The following ST7 variants were observed in gnomAD, a reference collection of about 807,000 sequenced individuals.
ST7 encodes suppressor of tumorigenicity 7 protein.
Under a neutral mutation model 78.7 loss-of-function variants are expected in ST7, and 28 were observed. That is an observed-to-expected ratio of 0.36 (90% CI 0.26 to 0.49). The LOEUF is 0.49. Among genes scored for constraint, ST7 ranks in the 20% least tolerant of loss-of-function variants. The pLI is 0.99. For synonymous variants in ST7, 247 were observed against 249.6 expected (o/e 0.99, Z 0.10); for missense variants, 418 against 696.0 (o/e 0.60, Z 4.49).
intron 1 of ST7, among the ~76,000 whole-genome samples, chr7:117,033,498 A>G (rs941024785): frequency 6.6e-6 from 1 of 150,704 alleles, no homozygotes; most frequent in African/African-American, 2.4e-5. Flanking sequence ...ATCTTGGCTC[A>G]CTGCAACCTC....
chr7:117,056,735 T>G (rs183562545), intron 1 of ST7, among the ~76,000 whole-genome samples: 1 of 152,192 alleles, frequency 6.6e-6, no homozygotes. Flanking sequence ...ACAAGGATCT[T>G]GAAGAAATAT....
chr7:117,197,432 G>A (rs1227850843), intron 12 of ST7, among the ~76,000 whole-genome samples: 1 of 152,170 alleles, frequency 6.6e-6, no homozygotes, highest in Admixed American at 6.5e-5. Context: ...TATTTCCTTA[G>A]GGTAGATTTA....
At chr7:117,071,528 C>T (rs925942310) in intron 1 of ST7, among the ~76,000 whole-genome samples, 3 of 152,124 alleles carry the variant, frequency 2.0e-5, no homozygotes, top group Non-Finnish European at 4.4e-5. Flanking sequence ...TCAAAGACAC[C>T]ATATGAAAAT....
chr7:117,026,218 A>G (rs1796176521), intron 1 of ST7, among the ~76,000 whole-genome samples: 1 of 152,246 alleles, frequency 6.6e-6, no homozygotes, highest in Non-Finnish European at 1.5e-5. Context: ...TATTTTTTAA[A>G]CATTAATAAT....
At chr7:117,091,673 G>C (rs895732949) in intron 1 of ST7, among the ~76,000 whole-genome samples, 1 of 152,168 alleles carries the variant, frequency 6.6e-6, no homozygotes, top group Non-Finnish European at 1.5e-5. Context: ...AGATGTCAAT[G>C]TTGATTTTTA....
chr7:117,198,299 G>T (rs754460334), intron 12 of ST7: 3 of 455,784 alleles, frequency 6.6e-6, no homozygotes, highest in Admixed American at 2.4e-5. Context: ...TTTACCTCCC[G>T]TTCTATTTCT....
chr7:116,976,336 A>G (rs1189522465), intron 1 of ST7, among the ~76,000 whole-genome samples: 3 of 152,156 alleles, frequency 2.0e-5, no homozygotes, highest in African/African-American at 7.2e-5. Flanking sequence ...TTCATATAGT[A>G]AGTATTTATT....
At position 117,227,600 on chromosome 7, in the gene ST7, G is replaced by GT. The variant is rs11431091; in HGVS notation, c.1639-2161dup. 9.4e-3 allele frequency among the ~76,000 whole-genome samples: 1,436 copies of GT among 152,260 alleles called. 27 individuals carry two copies. The highest frequency in any genetic ancestry group is 0.031 in the African/African-American group (1,307 of 41,528). ...TTATGTATGTACACATATTATGTGTGTATTTCCTATCATGTTGGGTGAATG... is the reference window on the plus strand; with the variant it reads ...TTATGTATGTACACATATTATGTGTGTTATTTCCTATCATGTTGGGTGAATG... On this transcript the variant is annotated intron_variant, in intron 15 of 15. Coordinates refer to ENST00000323984, the MANE Select transcript of ST7 (RefSeq NM_001369598.1).
intron 13 of ST7, among the ~76,000 whole-genome samples, chr7:117,215,066 T>C (rs1469492390): frequency 6.6e-6 from 1 of 151,596 alleles, no homozygotes; most frequent in Non-Finnish European, 1.5e-5. Context: ...AGTATTAGAG[T>C]GGTGAGGGTC....
intron 1 of ST7, among the ~76,000 whole-genome samples, chr7:116,982,066 GA>G (rs1219576367): frequency 6.6e-6 from 1 of 152,162 alleles, no homozygotes; most frequent in Non-Finnish European, 1.5e-5. Context: ...TAGGTGATAG[GA>G]ACCTTTCAGT....
At position 117,190,477 on chromosome 7, in the gene ST7, G is replaced by A. The variant is rs1809672836; in HGVS notation, c.1152-357G>A. 1.3e-5 allele frequency among the ~76,000 whole-genome samples: 2 copies of A among 152,150 alleles called. No homozygotes were observed. The highest frequency in any genetic ancestry group is 2.9e-5 in the Non-Finnish European group (2 of 68,028). On this transcript the variant is annotated intron_variant, in intron 11 of 15. Coordinates refer to ENST00000323984, the MANE Select transcript of ST7 (RefSeq NM_001369598.1). The surrounding 1 kb of genome is among the most constrained non-coding windows in gnomAD (Gnocchi z 5.2). ...TTCCCAGTTCTGTTTTTAACCAAGT[G>A]CGCTCTTCTGTAACCTAGTTTTCTC...
In ST7 at chr7:116,956,176, C is replaced by T. The variant is rs546743846; in HGVS notation, c.151+2485C>T. ...GCCTATTTTCTTCCCTTTTAAGTAA[C>T]AGTGAGAAGTTATAGTAGGAAAACT... is the stretch of plus-strand genomic sequence containing the variant. On this transcript the variant is annotated intron_variant, in intron 1 of 15. Coordinates refer to ENST00000323984, the MANE Select transcript of ST7 (RefSeq NM_001369598.1). Among the ~76,000 whole-genome samples the T allele has an allele frequency of 2.0e-5, 3 of 152,164 alleles. No homozygotes were observed. In the South Asian group the frequency reaches 6.2e-4, roughly 32 times the overall value.
chr7:117,110,593 C>T (rs1023087093), intron 2 of ST7, among the ~76,000 whole-genome samples: 3 of 152,222 alleles, frequency 2.0e-5, no homozygotes, highest in Admixed American at 1.3e-4. Flanking sequence ...CACTCTGTCA[C>T]TCATTTCACT....
chr7:117,041,445 T>A (rs946759446), intron 1 of ST7, among the ~76,000 whole-genome samples: 37 of 152,332 alleles, frequency 2.4e-4, no homozygotes, highest in Admixed American at 4.6e-4. Context: ...TAGCAAAGAA[T>A]GAAGGTCTGC....
intron 1 of ST7, among the ~76,000 whole-genome samples, chr7:117,050,176 C>G (rs760696598): frequency 6.7e-6 from 1 of 150,326 alleles, no homozygotes; most frequent in African/African-American, 2.5e-5. Flanking sequence ...GATTGCACCA[C>G]TGCACTGCAG....
At chr7:116,984,332 G>A (rs1776426927) in intron 1 of ST7, among the ~76,000 whole-genome samples, 1 of 152,094 alleles carries the variant, frequency 6.6e-6, no homozygotes, top group South Asian at 2.1e-4. Flanking sequence ...ATTCTATTAT[G>A]AGCAACAGAA....
intron 1 of ST7, among the ~76,000 whole-genome samples, chr7:117,026,236 G>A (rs1336295560): frequency 6.6e-6 from 1 of 152,198 alleles, no homozygotes; most frequent in African/African-American, 2.4e-5. Context: ...AATAGTCACT[G>A]CATTAATTTA....
chr7:117,104,897 T>C (rs1801836129), intron 2 of ST7, among the ~76,000 whole-genome samples: 2 of 152,200 alleles, frequency 1.3e-5, no homozygotes, highest in African/African-American at 4.8e-5. Flanking sequence ...ACAGAGTGAT[T>C]ACCCAATATC....
At chr7:117,017,335 C>G (rs1795663145) in intron 1 of ST7, among the ~76,000 whole-genome samples, 1 of 152,236 alleles carries the variant, frequency 6.6e-6, no homozygotes, top group African/African-American at 2.4e-5. Flanking sequence ...ACAGTAAGCT[C>G]CCAGAAAATA....
Sources: allele counts gnomAD v4.1 joint callset (sites outside exome capture counted in the v4.1 genomes callset), GRCh38; gene constraint gnomAD v4.1.1; non-coding constraint Gnocchi (gnomAD v3.1); transcripts MANE v1.5; gene names NCBI Gene and HGNC (gene_info 2026-07-23, HGNC 2026-07-21).